Variants in KCTD19 observed in about 807,000 individuals in gnomAD.
KCTD19 encodes the protein BTB/POZ domain-containing protein KCTD19.
A neutral mutation model predicts 103.5 loss-of-function variants in KCTD19; 67 were observed. The observed-to-expected ratio is 0.65, with a 90% CI of 0.53 to 0.79. The LOEUF (loss-of-function observed/expected upper bound fraction) is 0.79, where lower values mean the gene tolerates loss of function less well. KCTD19 is among the 30% of genes least tolerant of loss of function. The pLI is 0.00. For synonymous variants in KCTD19, 439 were observed against 452.2 expected (o/e 0.97, Z 0.37); for missense variants, 980 against 1,136.1 (o/e 0.86, Z 1.98).
Position 67,291,713 on chromosome 16 carries a change from G to A in KCTD19, c.2343C>T (p.Ser781=). Residue 781 remains serine (S), a synonymous_variant, in exon 13 of 16, where the codon AGC becomes AGT. Coordinates refer to ENST00000304372, the MANE Select transcript of KCTD19 (RefSeq NM_001100915.3). ...SDGFCMFFED[S]IIYTTEMDNL... is the part of the protein sequence containing the mutation. The stretch of plus-strand genomic sequence containing the variant: ...TGTCCATCTCCGTGGTATAGATGAT[G>A]CTGTCCTCAAAGAACATGCAGAAGC... 1 of 1,614,132 alleles carries A rather than the reference G, an allele frequency of 6.2e-7. No individual in the cohort carries two copies. The highest frequency in any genetic ancestry group is 8.5e-7 in the Non-Finnish European group (1 of 1,180,010).
chr16:67,324,011 T>C (rs1435853963), intron 1 of KCTD19, among the ~76,000 whole-genome samples: 1 of 152,124 alleles, frequency 6.6e-6, no homozygotes, highest in Non-Finnish European at 1.5e-5. Context: ...CCTTTTCATA[T>C]ATACAAAGGC....
Position 67,320,480 on chromosome 16 carries a change from TG to T in KCTD19, c.300+108del. The T allele has an allele frequency of 1.0e-6, 1 of 999,462 alleles. No individual in the cohort carries two copies. Among genetic ancestry groups the T allele is most frequent in the Non-Finnish European group, 1.5e-6 (1 of 662,898 alleles). 61.9% of individuals were successfully genotyped at this position (999,462 alleles called of 1,614,324 possible). ...ATTACTTTAACACACTTATTACATT[TG>T]CCCATTAAGAGGGTCATCTCAGCAA... On this transcript the variant is annotated intron_variant, in intron 2 of 15. Transcript: ENST00000304372. This position sits in a 1 kb window ranked among gnomAD's most constrained non-coding sequence, Gnocchi z 4.0.
Position 67,303,410 on chromosome 16 carries a change from G to T in KCTD19, c.452-73C>A. The T allele has an allele frequency of 7.4e-7, 1 of 1,352,450 alleles. No homozygotes were observed. The highest frequency in any genetic ancestry group is 1.0e-6 in the Non-Finnish European group (1 of 987,062). The allele number at this position is 1,352,450 out of a possible 1,614,324, so 83.8% of individuals were successfully genotyped here. A position where few individuals can be genotyped will look rare whatever the true frequency, so the allele number is the denominator to read the frequency against. ...ATCTGATTCCAGCAGGGCTTTCACT[G>T]ACCCAGGGGCCCCAGAGGATGCTAG... is the stretch of plus-strand genomic sequence containing the variant. On this transcript the variant is annotated intron_variant, in intron 3 of 15. Coordinates refer to ENST00000304372, the MANE Select transcript of KCTD19 (RefSeq NM_001100915.3). This position sits in a 1 kb window ranked among gnomAD's most constrained non-coding sequence, Gnocchi z 4.3.
intron 2 of KCTD19, among the ~76,000 whole-genome samples, chr16:67,314,824 TATATATAGAGAGAGAG>T (rs1219575507): frequency 1.1e-3 from 65 of 61,166 alleles, no homozygotes; most frequent in Non-Finnish European, 1.5e-3. Context: ...TATATATATA[TATATATAGAGAGAGAG>T]AGAGAGAGAG....
At position 67,320,794 on chromosome 16, in the gene KCTD19, G is replaced by A. The variant is rs1247533097; in HGVS notation, c.95C>T (p.Ser32Phe). Residue 32 changes from serine (S) to phenylalanine (F), a missense_variant, in exon 2 of 16, where the codon TCT becomes TTT. Physicochemically the swap from Ser to Phe is radical, Grantham distance 155 (BLOSUM62 -2). Transcript: ENST00000304372. The surrounding 1 kb of genome is among the most constrained non-coding windows in gnomAD (Gnocchi z 4.0). ...CCACAGCAGGGAGTCTGGAAACTGA[G>A]AGAGTTTGCTTCTGGGAACTGAGAA... ...WHFSVPRSKL[S>F]QFPDSLLWKE... 3 of 1,614,162 alleles carry A rather than the reference G, an allele frequency of 1.9e-6. No homozygotes were observed. Among genetic ancestry groups the A allele is most frequent in the Admixed American group, 1.7e-5 (1 of 60,020 alleles).
At chr16:67,314,822 TATATATATAGAGAGAGAGAGAG>T (rs1192070877) in intron 2 of KCTD19, among the ~76,000 whole-genome samples, 1 of 70,602 alleles carries the variant, frequency 1.4e-5, no homozygotes, top group Non-Finnish European at 2.6e-5. Context: ...TATATATATA[TATATATATAGAGAGAGAGAGAG>T]AGAGAGAGAG....
At chr16:67,310,184 CACTT>C (rs2036935609) in intron 2 of KCTD19, among the ~76,000 whole-genome samples, 1 of 152,214 alleles carries the variant, frequency 6.6e-6, no homozygotes, top group South Asian at 2.1e-4. Flanking sequence ...CCCAGCCCCT[CACTT>C]ACTTATTTTT....
In KCTD19 at chr16:67,299,354, G is replaced by A; in HGVS notation, c.986+9C>T. ...GATGGGACTCAGTGTGCCCTAAGGA[G>A]GACCTCACTTGACGTGCTGAAAGAG... On this transcript the variant is annotated intron_variant, in intron 6 of 15. Coordinates refer to ENST00000304372, the MANE Select transcript of KCTD19 (RefSeq NM_001100915.3). 6.2e-7 allele frequency: 1 copy of A among 1,613,572 alleles called. No individual in the cohort carries two copies. Among genetic ancestry groups the A allele is most frequent in the Non-Finnish European group, 8.5e-7 (1 of 1,179,472 alleles).
At position 67,303,108 on chromosome 16, in the gene KCTD19, C is replaced by CTGGGCGGG; in HGVS notation, c.643+37_643+38insCCCGCCCA. ...ATGGGGAGGGGTGAATGGGCCCTAT[C>CTGGGCGGG]AGCCCGCCCCCCACCCCACCCCGGA... On this transcript the variant is annotated intron_variant, in intron 4 of 15. Coordinates refer to ENST00000304372, the MANE Select transcript of KCTD19 (RefSeq NM_001100915.3). The surrounding 1 kb of genome is among the most constrained non-coding windows in gnomAD (Gnocchi z 4.3). 6 of 798,070 alleles carry CTGGGCGGG rather than the reference C, an allele frequency of 7.5e-6. No individual in the cohort carries two copies. The highest frequency in any genetic ancestry group is 2.8e-5 in the East Asian group (1 of 36,056). 49.4% of individuals were successfully genotyped at this position (798,070 alleles called of 1,614,324 possible).
At chr16:67,307,176 TCA>T (rs1374860423) in intron 2 of KCTD19, among the ~76,000 whole-genome samples, 1 of 151,294 alleles carries the variant, frequency 6.6e-6, no homozygotes, top group Non-Finnish European at 1.5e-5. Context: ...TGAGACAGAG[TCA>T]CACTCTATCA....
chr16:67,325,376 C>CTTTAT (rs544654868), intron 1 of KCTD19, among the ~76,000 whole-genome samples: 14,426 of 145,448 alleles, frequency 0.099, 1,007 homozygotes, highest in African/African-American at 0.18. Context: ...CCACGCCCGG[C>CTTTAT]TTTATTTTAT....
At position 67,291,721 on chromosome 16, in the gene KCTD19, C is replaced by A; in HGVS notation, c.2335G>T (p.Glu779Ter). The A allele has an allele frequency of 6.2e-7, 1 of 1,614,100 alleles. No homozygotes were observed. Among genetic ancestry groups the A allele is most frequent in the South Asian group, 1.1e-5 (1 of 91,078 alleles). Residue 779 changes from glutamate (E) to a stop codon, truncating the protein, a stop_gained, in exon 13 of 16, where the codon GAG (glutamate) becomes TAG (stop). Coordinates refer to ENST00000304372, the MANE Select transcript of KCTD19 (RefSeq NM_001100915.3). LOFTEE classifies it high-confidence loss of function. ...TCCGTGGTATAGATGATGCTGTCCT[C>A]AAAGAACATGCAGAAGCCATCGCTG... is the stretch of plus-strand genomic sequence containing the variant. ...VGSDGFCMFFEDSIIYTTEMD... is the reference protein window; with the variant it reads ...VGSDGFCMFF
At chr16:67,294,451 A>G in intron 11 of KCTD19, 129 bp downstream of exon 11, 2 of 709,510 alleles carry the variant, frequency 2.8e-6, no homozygotes, top group Non-Finnish European at 4.8e-6. Flanking sequence ...GTCCTGTCCT[A>G]GGAACCCATG....
intron 2 of KCTD19, among the ~76,000 whole-genome samples, chr16:67,314,273 T>C (rs2036979785): frequency 6.6e-6 from 1 of 151,476 alleles, no homozygotes; most frequent in Non-Finnish European, 1.5e-5. Context: ...TTCCTTCCTT[T>C]CTTTCTTTTC....
At chr16:67,297,812 G>T in intron 6 of KCTD19, 149 bp from the exon 7 acceptor site, 1 of 695,096 alleles carries the variant, frequency 1.4e-6, no homozygotes, top group Non-Finnish European at 2.3e-6. Context: ...TTTTTTTTTA[G>T]ATGGAGTCTC....
rs1297106225 is a variant in KCTD19, at chr16:67,296,178, G to C, written c.1229C>G (p.Thr410Ser). The C allele has an allele frequency of 1.2e-6, 2 of 1,610,460 alleles. No individual in the cohort carries two copies. The highest frequency in any genetic ancestry group is 1.7e-6 in the Non-Finnish European group (2 of 1,176,634). The change falls in exon 8 of 16, where the codon ACC becomes AGC. Residue 410 changes from threonine (T) to serine (S), a missense_variant. Transcript: ENST00000304372. ...VYVGSHWYAT[T>S]LQTLLKYPEL... ...CAGTACCTTCAGCAGTGTCTGCAGG[G>C]TGGTTGCGTACCAGTGGCTTCCAAC...
chr16:67,297,398 C>G (rs907280744), intron 7 of KCTD19, 105 bp downstream of exon 7: 55 of 1,156,338 alleles, frequency 4.8e-5, no homozygotes, highest in Non-Finnish European at 6.6e-5. Context: ...GCTTTCCCCT[C>G]CTCCTCCATC....
In KCTD19 at chr16:67,320,914, G is replaced by T; in HGVS notation, c.4-29C>A. 1.3e-6 allele frequency: 2 copies of T among 1,548,406 alleles called. No individual in the cohort carries two copies. Among genetic ancestry groups the T allele is most frequent in the Non-Finnish European group, 1.7e-6 (2 of 1,150,122 alleles). On this transcript the variant is annotated intron_variant, in intron 1 of 15. Coordinates refer to ENST00000304372, the MANE Select transcript of KCTD19 (RefSeq NM_001100915.3). This position sits in a 1 kb window ranked among gnomAD's most constrained non-coding sequence, Gnocchi z 4.0. ...AAGGGGGAATGAAAAAGAGATCTAC[G>T]CAAGAAAAAGAAATAAAAAGGCATC... is the stretch of plus-strand genomic sequence containing the variant.
rs146544751 is a variant in KCTD19 at position 67,296,236 on chromosome 16, C to T, written c.1171G>A (p.Val391Met). ...VLNEWTAEIT[V>M]YSPQQIIKVY... The stretch of plus-strand genomic sequence containing the variant: ...TTGATGATCTGTTGTGGGGAATACA[C>T]AGTGATCTCTGCCGTCCACTCATCT... Residue 391 changes from valine to methionine, a missense_variant, in exon 8 of 16, where the codon GTG becomes ATG. Val to Met is a conservative substitution (Grantham distance 21). Coordinates refer to ENST00000304372, the MANE Select transcript of KCTD19 (RefSeq NM_001100915.3). 3 of 1,612,990 alleles carry T rather than the reference C, an allele frequency of 1.9e-6. No individual in the cohort carries two copies. The highest frequency in any genetic ancestry group is 1.3e-5 in the African/African-American group (1 of 75,028).
Sources: gnomAD v4.1 joint callset for allele counts (sites outside exome capture counted in the v4.1 genomes callset) on GRCh38, gnomAD v4.1.1 for gene constraint, Gnocchi (gnomAD v3.1) non-coding constraint, MANE v1.5 for transcripts, NCBI Gene and HGNC (gene_info 2026-07-23, HGNC 2026-07-21) for gene names.